Variants in INO80 observed in about 807,000 individuals in gnomAD.
INO80 encodes chromatin-remodeling ATPase INO80.
INO80 carries 20 observed loss-of-function variants against 203.4 expected under a neutral mutation model. The ratio of observed to expected loss-of-function variants is 0.10; its 90% CI spans 0.07 to 0.14. INO80 has a LOEUF of 0.14. INO80 is among the 10% of genes least tolerant of loss of function. The pLI is 1.00. For synonymous variants in INO80, 726 were observed against 685.2 expected, an observed-to-expected ratio of 1.06 and a Z score of -0.93; for missense variants, 1,419 against 1,914.4, an observed-to-expected ratio of 0.74 and a Z score of 4.83.
At position 40,983,782 on chromosome 15, in the gene INO80, G is replaced by C. The variant is rs949453995; in HGVS notation, c.4217C>G (p.Ser1406Cys). 1 of 1,612,320 alleles carries C rather than the reference G, an allele frequency of 6.2e-7. No homozygotes were observed. The highest frequency in any genetic ancestry group is 1.3e-5 in the African/African-American group (1 of 74,872). ...ATNSPASITG[S>C]VSDTVNGISI... ...ATTACCATTCACGGTATCTGAGACG[G>C]AGCCTGTTATGGATGCGGGAGAGTT... Residue 1406 changes from serine to cysteine, a missense_variant, in exon 34 of 36, where the codon TCC becomes TGC. This residue lies in a region of INO80 where 214 missense variants were observed against 248.9 expected (regional missense o/e 0.86). Transcript: ENST00000648947.
At chr15:41,008,226 C>CACAT (rs1440447086) in intron 27 of INO80, among the ~76,000 whole-genome samples, 2 of 6,186 alleles carry the variant, frequency 3.2e-4, no homozygotes, top group Non-Finnish European at 0.05. Context: ...TATATACATA[C>CACAT]ACACACACAC....
chr15:41,067,205 T>C (rs1013518976), intron 14 of INO80, among the ~76,000 whole-genome samples: 1 of 151,890 alleles, frequency 6.6e-6, no homozygotes, highest in Non-Finnish European at 1.5e-5. Context: ...GCCTCCCGAG[T>C]AGCTGGGATT....
intron 1 of INO80, chr15:41,109,212 G>C (rs1369893376): frequency 6.6e-6 from 1 of 152,352 alleles, no homozygotes; most frequent in East Asian, 1.9e-4. Context: ...CCAGCACTTT[G>C]GGAGGCTGAG....
At chr15:41,052,656 G>C (rs924305031) in intron 19 of INO80, among the ~76,000 whole-genome samples, 2 of 138,818 alleles carry the variant, frequency 1.4e-5, no homozygotes, top group Non-Finnish European at 3.0e-5. Flanking sequence ...ATGGGTGACA[G>C]AGCGAGCCCT....
chr15:41,083,780 C>G (rs1280201692), intron 7 of INO80, among the ~76,000 whole-genome samples: 1 of 151,758 alleles, frequency 6.6e-6, no homozygotes, highest in East Asian at 1.9e-4. Flanking sequence ...TCATACTAAC[C>G]TATATGAAGT....
intron 28 of INO80, 72 bp from the exon 29 acceptor site, chr15:40,997,673 T>G: frequency 1.7e-5 from 15 of 898,210 alleles, no homozygotes; most frequent in Non-Finnish European, 2.6e-5. Context: ...TAGAGAGAGA[T>G]CTCTGAATAC....
At chr15:40,983,958 G>GT (rs1193183953) in intron 33 of INO80, 37 bp from the exon 34 acceptor site, 1 of 1,605,552 alleles carries the variant, frequency 6.2e-7, no homozygotes, top group Non-Finnish European at 8.5e-7. Flanking sequence ...ACGACCCCCT[G>GT]TGCTCACCGC....
intron 2 of INO80, 93 bp downstream of exon 2, chr15:41,096,075 A>T: frequency 7.0e-7 from 1 of 1,437,548 alleles, no homozygotes; most frequent in Non-Finnish European, 9.3e-7. Flanking sequence ...TATCAAACAT[A>T]AAAATCATAA....
chr15:41,091,948 A>G, intron 5 of INO80, 79 bp downstream of exon 5: 3 of 1,312,550 alleles, frequency 2.3e-6, no homozygotes, highest in Non-Finnish European at 3.2e-6. Context: ...CACCACGCCC[A>G]GCCAAAATGA....
At position 41,092,131 on chromosome 15, in the gene INO80, C is replaced by T. The variant is rs762273520; in HGVS notation, c.433G>A (p.Asp145Asn). ...CTGAGATTGAGTTCTTCTTCATCAT[C>T]GTCTTCACTCTGAGAATCAGCCTCG... ...SSEADSQSEDDDEEELNLSRE... is the reference protein window; with the variant it reads ...SSEADSQSEDNDEEELNLSRE... Residue 145 changes from aspartate (D) to asparagine (N), a missense_variant, in exon 5 of 36, where the codon GAT (aspartate) becomes AAT (asparagine). Asp to Asn is a conservative substitution (Grantham distance 23). Transcript: ENST00000648947. The T allele has an allele frequency of 1.7e-5, 28 of 1,610,582 alleles. No individual in the cohort carries two copies. Among genetic ancestry groups the T allele is most frequent in the Admixed American group, 3.3e-5 (2 of 59,972 alleles).
chr15:41,002,435 T>G (rs1041376295), intron 28 of INO80, among the ~76,000 whole-genome samples: 6 of 152,164 alleles, frequency 3.9e-5, no homozygotes, highest in African/African-American at 1.4e-4. Flanking sequence ...CCTCCTGATT[T>G]TTTTCCACCA....
At chr15:41,037,273 C>G (rs1177215780) in intron 24 of INO80, among the ~76,000 whole-genome samples, 5 of 151,392 alleles carry the variant, frequency 3.3e-5, no homozygotes, top group Non-Finnish European at 7.4e-5. Flanking sequence ...CTCTGGGAAG[C>G]TGAGGTGGGA....
intron 25 of INO80, among the ~76,000 whole-genome samples, chr15:41,021,343 C>T (rs1309972372): frequency 6.6e-6 from 1 of 152,190 alleles, no homozygotes; most frequent in African/African-American, 2.4e-5. Flanking sequence ...TGCAAACAAA[C>T]TAAAGATCCA....
At chr15:40,996,496 G>GTTT (rs535434780) in intron 29 of INO80, among the ~76,000 whole-genome samples, 36 of 149,564 alleles carry the variant, frequency 2.4e-4, no homozygotes, top group African/African-American at 8.1e-4. Flanking sequence ...TATTTTTTTT[G>GTTT]TTTTTTTTTG....
At chr15:41,008,773 GGTCT>G in intron 27 of INO80, among the ~76,000 whole-genome samples, 1 of 152,238 alleles carries the variant, frequency 6.6e-6, no homozygotes, top group Middle Eastern at 3.4e-3. Context: ...TACCACCTGA[GGTCT>G]GTTAGAAATG....
At chr15:41,096,767 G>C (rs2045731128) in intron 1 of INO80, among the ~76,000 whole-genome samples, 1 of 152,122 alleles carries the variant, frequency 6.6e-6, no homozygotes, top group Non-Finnish European at 1.5e-5. Context: ...CTCGTTCTCA[G>C]CATCACCTTC....
At chr15:41,113,379 G>A (rs997227184) in intron 1 of INO80, among the ~76,000 whole-genome samples, 4 of 151,968 alleles carry the variant, frequency 2.6e-5, no homozygotes, top group Non-Finnish European at 5.9e-5. Flanking sequence ...CGATTCTCCT[G>A]CCTCAGCCTC....
intron 27 of INO80, among the ~76,000 whole-genome samples, chr15:41,014,825 C>T (rs985747435): frequency 6.6e-6 from 1 of 152,320 alleles, no homozygotes; most frequent in East Asian, 1.9e-4. Flanking sequence ...TGAAAACCCT[C>T]CTTAATGCTA....
intron 24 of INO80, among the ~76,000 whole-genome samples, chr15:41,030,106 T>G (rs1403567741): frequency 6.6e-6 from 1 of 152,214 alleles, no homozygotes; most frequent in East Asian, 1.9e-4. Flanking sequence ...ATCTTCATTT[T>G]GAGTATTCTA....
Sources: gnomAD v4.1 joint callset for allele counts (sites outside exome capture counted in the v4.1 genomes callset) on GRCh38, gnomAD v4.1.1 for gene constraint, gnomAD v4.1.1 regional missense constraint, MANE v1.5 for transcripts, NCBI Gene and HGNC (gene_info 2026-07-23, HGNC 2026-07-21) for gene names.